The following GABRB1 variants were observed in gnomAD, a reference collection of about 807,000 sequenced individuals.
GABRB1 encodes gamma-aminobutyric acid type A receptor subunit beta1.
In GABRB1, 17 loss-of-function variants were observed where a neutral mutation model predicts 51.6. The ratio of observed to expected loss-of-function variants is 0.33; its 90% confidence interval spans 0.23 to 0.49. The LOEUF is 0.49. GABRB1 is among the 20% of genes least tolerant of loss of function. The pLI, the probability that GABRB1 is intolerant of heterozygous loss-of-function variation, is 0.99. For synonymous variants in GABRB1, 247 were observed against 218.9 expected (o/e 1.13, Z -1.14); for missense variants, 410 against 600.6 (o/e 0.68, Z 3.32).
intron 5 of GABRB1, among the ~76,000 whole-genome samples, chr4:47,372,448 T>C (rs556641125): frequency 6.6e-6 from 1 of 152,202 alleles, no homozygotes; most frequent in Non-Finnish European, 1.5e-5. Context: ...ACTGTGCTGT[T>C]AAATCTCCCT....
chr4:47,107,413 C>A (rs1715013897), intron 3 of GABRB1, among the ~76,000 whole-genome samples: 1 of 151,966 alleles, frequency 6.6e-6, no homozygotes, highest in Admixed American at 6.6e-5. Flanking sequence ...TCCAGTTTGT[C>A]CCACTGTGAT....
chr4:47,135,544 A>T (rs916108824), intron 3 of GABRB1, among the ~76,000 whole-genome samples: 3 of 152,070 alleles, frequency 2.0e-5, no homozygotes, highest in Non-Finnish European at 2.9e-5. Context: ...CTGAAATCTT[A>T]TGTTATCAAA....
chr4:46,998,732 T>TAAA lies in GABRB1; in HGVS notation c.-20+4827_-20+4829dup, dbSNP rs1031492003. Among the ~76,000 whole-genome samples the TAAA allele has an allele frequency of 7.9e-3, 524 of 66,368 alleles. 6 individuals carry two copies. Among genetic ancestry groups the TAAA allele is most frequent in the African/African-American group, 0.029 (491 of 17,210 alleles). The allele number at this position is 66,368 out of a possible 152,430, so 43.5% of individuals were successfully genotyped here. ...CTGGGCCACTGAGCAAGACTCTGTCTAAAAAAAAAAAAAAAAAAAAAAAGT... is the reference window on the plus strand; with the variant it reads ...CTGGGCCACTGAGCAAGACTCTGTCTAAAAAAAAAAAAAAAAAAAAAAAAAAGT... On this transcript the variant is annotated intron_variant, in intron 1 of 3. Transcript: ENST00000513567.
At chr4:47,037,542 T>C (rs1214812005) in intron 3 of GABRB1, among the ~76,000 whole-genome samples, 3 of 98,814 alleles carry the variant, frequency 3.0e-5, no homozygotes, top group Non-Finnish European at 6.0e-5. Flanking sequence ...TTTTTTGTTG[T>C]TGTTGTTGTT....
At chr4:47,251,630 C>T (rs898918745) in intron 4 of GABRB1, among the ~76,000 whole-genome samples, 8 of 152,120 alleles carry the variant, frequency 5.3e-5, no homozygotes, top group African/African-American at 1.2e-4. Context: ...GTGGCTGCTG[C>T]GGAGGATGTG....
chr4:47,174,674 C>T (rs567431129), intron 4 of GABRB1, among the ~76,000 whole-genome samples: 2 of 152,088 alleles, frequency 1.3e-5, no homozygotes, highest in South Asian at 4.1e-4. Flanking sequence ...GCATTTTTAA[C>T]TCAAGGTATT....
chr4:47,367,397 G>C (rs1291824966), intron 5 of GABRB1, among the ~76,000 whole-genome samples: 1 of 152,134 alleles, frequency 6.6e-6, no homozygotes, highest in African/African-American at 2.4e-5. Flanking sequence ...AGTAATTTAT[G>C]GCTAAAGTCA....
intron 3 of GABRB1, among the ~76,000 whole-genome samples, chr4:47,154,622 GC>G (rs2109724861): frequency 6.6e-6 from 1 of 152,098 alleles, no homozygotes; most frequent in South Asian, 2.1e-4. Context: ...CACTACTACA[GC>G]TTTTTCTGGT....
chr4:47,269,935 TACACACACACACACACAC>T (rs10639386), intron 4 of GABRB1, among the ~76,000 whole-genome samples: 1 of 136,056 alleles, frequency 7.3e-6, no homozygotes, highest in Non-Finnish European at 1.6e-5. Context: ...CAACTCTCCC[TACACACACACACACACAC>T]ACACACACAC....
chr4:47,152,807 C>T (rs992148336), intron 3 of GABRB1, among the ~76,000 whole-genome samples: 1 of 152,004 alleles, frequency 6.6e-6, no homozygotes, highest in African/African-American at 2.4e-5. Flanking sequence ...TCCCTAACCT[C>T]CCATATTAAA....
chr4:47,192,423 C>T (rs1466282698), intron 4 of GABRB1, among the ~76,000 whole-genome samples: 1 of 152,006 alleles, frequency 6.6e-6, no homozygotes, highest in Non-Finnish European at 1.5e-5. Flanking sequence ...TAATTTAATC[C>T]CATTCAAATT....
At chr4:47,165,013 A>G (rs1718112722) in intron 4 of GABRB1, among the ~76,000 whole-genome samples, 1 of 152,102 alleles carries the variant, frequency 6.6e-6, no homozygotes, top group Admixed American at 6.6e-5. Context: ...ATCTAAATAA[A>G]GAACGTCCAT....
chr4:47,260,861 G>T (rs2109877641), intron 4 of GABRB1, among the ~76,000 whole-genome samples: 1 of 152,134 alleles, frequency 6.6e-6, no homozygotes, highest in East Asian at 1.9e-4. Context: ...ATGATCAAGT[G>T]GGCTTCATCC....
At chr4:47,032,846 C>G (rs774448871) in intron 3 of GABRB1, 4 of 433,124 alleles carry the variant, frequency 9.2e-6, no homozygotes, top group South Asian at 5.5e-5. Flanking sequence ...CTAGGGTCCC[C>G]GGACCGGTGG....
intron 5 of GABRB1, among the ~76,000 whole-genome samples, chr4:47,346,193 A>T (rs554827806): frequency 1.3e-5 from 2 of 152,338 alleles, no homozygotes; most frequent in East Asian, 3.9e-4. Flanking sequence ...AGAGTAAGGC[A>T]TTGGAAGGAC....
chr4:47,278,946 T>A (rs145884476), intron 4 of GABRB1, among the ~76,000 whole-genome samples: 1 of 152,276 alleles, frequency 6.6e-6, no homozygotes, highest in Admixed American at 6.5e-5. Context: ...ACTTGTTTTC[T>A]TGTAGCCAGA....
intron 3 of GABRB1, among the ~76,000 whole-genome samples, chr4:47,105,784 T>C (rs977803007): frequency 3.9e-5 from 6 of 152,118 alleles, no homozygotes; most frequent in Non-Finnish European, 5.9e-5. Flanking sequence ...CCCAGTTCTC[T>C]GCCCCCAATA....
chr4:47,378,533 A>C (rs1727478261), intron 5 of GABRB1, among the ~76,000 whole-genome samples: 1 of 152,204 alleles, frequency 6.6e-6, no homozygotes, highest in African/African-American at 2.4e-5. Context: ...GGGCTCCTCA[A>C]GTGCTGCCAA....
intron 5 of GABRB1, among the ~76,000 whole-genome samples, chr4:47,345,408 G>A (rs546767208): frequency 6.6e-6 from 1 of 152,280 alleles, no homozygotes; most frequent in Admixed American, 6.5e-5. Context: ...ATTGGACTAA[G>A]GAGGTAAAGA....
Sources: gnomAD v4.1 joint callset for allele counts (sites outside exome capture counted in the v4.1 genomes callset) on GRCh38, gnomAD v4.1.1 for gene constraint, MANE v1.5 for transcripts, NCBI Gene and HGNC (gene_info 2026-07-23, HGNC 2026-07-21) for gene names.